SAMD5: variants seen among roughly 807,000 people sequenced by gnomAD.
SAMD5 encodes sterile alpha motif domain containing 5.
In SAMD5, 13 loss-of-function variants were observed where a neutral mutation model predicts 11.3. That is an observed-to-expected ratio of 1.15 (90% CI 0.75 to 1.83). The LOEUF (loss-of-function observed/expected upper bound fraction) is 1.83. Ranked by LOEUF, SAMD5 falls within the 40% of genes most tolerant of loss-of-function variation. SAMD5 has a pLI of 0.00. For synonymous variants in SAMD5, 129 were observed against 111.3 expected (o/e 1.16, Z -1.00); for missense variants, 255 against 239.1 (o/e 1.07, Z -0.44).
chr6:147,631,593 C>A (rs62436288), intron 1 of SAMD5, among the ~76,000 whole-genome samples: 20,619 of 152,066 alleles, frequency 0.14, 1,454 homozygotes, highest in Middle Eastern at 0.15. Context: ...GGTGGGAAGG[C>A]CAAACCGAGG....
chr6:147,728,861 C>A (rs1234391095), intron 1 of SAMD5, among the ~76,000 whole-genome samples: 2 of 151,214 alleles, frequency 1.3e-5, no homozygotes, highest in African/African-American at 4.9e-5. Context: ...ACTCTTTATG[C>A]AGTTCTGTGT....
the SAMD5 span, among the ~76,000 whole-genome samples, chr6:147,921,904 C>T: frequency 6.6e-6 from 1 of 151,976 alleles, no homozygotes; most frequent in Non-Finnish European, 1.5e-5. Flanking sequence ...ATGGGAAAAA[C>T]AATACAAAGT....
intron 1 of SAMD5, among the ~76,000 whole-genome samples, chr6:147,658,847 G>A (rs1258916797): frequency 6.6e-6 from 1 of 152,048 alleles, no homozygotes; most frequent in African/African-American, 2.4e-5. Context: ...AGTGTTCTGG[G>A]GACACATTGT....
At position 147,567,177 on chromosome 6, in the gene SAMD5, T is replaced by C. The variant is rs901706101; in HGVS notation, c.*2721T>C. The C allele has an allele frequency of 7.1e-6, 7 of 985,204 alleles. No homozygotes were observed. The highest frequency in any genetic ancestry group is 7.0e-5 in the African/African-American group (4 of 57,254). 61.0% of individuals were successfully genotyped at this position (985,204 alleles called of 1,614,324 possible). On this transcript the variant is annotated 3_prime_UTR_variant, in exon 2 of 2. Transcript: ENST00000367474. ...TATTCACATAAAAGATTTCTTGGCA[T>C]AGGGAAGGCGTAATGTTAAGGGCTT...
At chr6:147,751,430 G>A in the SAMD5 span, among the ~76,000 whole-genome samples, 2 of 152,036 alleles carry the variant, frequency 1.3e-5, no homozygotes, top group Non-Finnish European at 2.9e-5. Context: ...TCAGCACCTT[G>A]AACAGTTCCT....
the SAMD5 span, among the ~76,000 whole-genome samples, chr6:147,936,731 A>G: frequency 6.6e-6 from 1 of 152,206 alleles, no homozygotes; most frequent in Non-Finnish European, 1.5e-5. Context: ...AGAAAATGCC[A>G]ATGGCCTCCA....
chr6:147,673,305 C>T (rs1384967294), intron 1 of SAMD5, among the ~76,000 whole-genome samples: 1 of 152,182 alleles, frequency 6.6e-6, no homozygotes, highest in African/African-American at 2.4e-5. Flanking sequence ...GCTCCGCCTC[C>T]TGGGTTCACG....
intron 1 of SAMD5, among the ~76,000 whole-genome samples, chr6:147,584,482 C>T (rs1315965524): frequency 2.6e-5 from 4 of 152,202 alleles, no homozygotes. Context: ...CTGCAGCTGG[C>T]TCAGCCCATG....
the SAMD5 span, chr6:147,743,430 A>C: frequency 6.6e-6 from 1 of 152,128 alleles, no homozygotes; most frequent in African/African-American, 2.4e-5. Flanking sequence ...GTGAACCCGG[A>C]AGGCGGAGCT....
the SAMD5 span, among the ~76,000 whole-genome samples, chr6:147,786,546 C>T: frequency 6.6e-6 from 1 of 152,190 alleles, no homozygotes; most frequent in Non-Finnish European, 1.5e-5. Flanking sequence ...GCAAACTTGT[C>T]ATTTCTGAAT....
In SAMD5 at chr6:147,566,348, G is replaced by A. The variant is rs117704019; in HGVS notation, c.*1892G>A. On this transcript the variant is annotated 3_prime_UTR_variant, in exon 2 of 2. Transcript: ENST00000367474. Reference sequence around the variant, plus strand: ...ATTCCTAAGTAGATTCTTTTGAGTGGTAGGGGAGTCTGTATAGATTACAGA... The same window carrying A: ...ATTCCTAAGTAGATTCTTTTGAGTGATAGGGGAGTCTGTATAGATTACAGA... 1 of 982,284 alleles carries A rather than the reference G, an allele frequency of 1.0e-6. No homozygotes were observed. The highest frequency in any genetic ancestry group is 1.2e-6 in the Non-Finnish European group (1 of 826,952). 60.8% of individuals were successfully genotyped at this position (982,284 alleles called of 1,614,324 possible). A position where few individuals can be genotyped will look rare whatever the true frequency, so the allele number is the denominator to read the frequency against.
the SAMD5 span, among the ~76,000 whole-genome samples, chr6:147,938,400 A>G: frequency 6.6e-6 from 1 of 152,236 alleles, no homozygotes. Flanking sequence ...CTACTAATCT[A>G]TCAGACAAGG....
the SAMD5 span, among the ~76,000 whole-genome samples, chr6:147,762,764 C>T: frequency 3.3e-5 from 5 of 152,120 alleles, no homozygotes; most frequent in African/African-American, 1.2e-4. Flanking sequence ...AGTACTTTCA[C>T]TCTACTCCCA....
At chr6:147,939,390 A>G in the SAMD5 span, among the ~76,000 whole-genome samples, 2 of 152,258 alleles carry the variant, frequency 1.3e-5, no homozygotes, top group Non-Finnish European at 1.5e-5. Context: ...AAGGTTGGGT[A>G]AAACTTCCAA....
the SAMD5 span, among the ~76,000 whole-genome samples, chr6:147,781,991 A>G: frequency 6.6e-6 from 1 of 152,090 alleles, no homozygotes; most frequent in African/African-American, 2.4e-5. Flanking sequence ...AGTGGTAGAC[A>G]ATATGTAGTG....
the SAMD5 span, among the ~76,000 whole-genome samples, chr6:147,921,504 C>T: frequency 6.6e-6 from 1 of 152,174 alleles, no homozygotes; most frequent in East Asian, 1.9e-4. Context: ...CTAGTGTCAA[C>T]TCATGGAGTT....
the SAMD5 span, among the ~76,000 whole-genome samples, chr6:147,824,026 C>T: frequency 2.8e-4 from 42 of 152,278 alleles, no homozygotes; most frequent in Non-Finnish European, 2.9e-5. Flanking sequence ...TTACCCAAGG[C>T]CTCTCAGCAA....
chr6:147,845,160 A>G, the SAMD5 span, among the ~76,000 whole-genome samples: 1 of 152,158 alleles, frequency 6.6e-6, no homozygotes, highest in Non-Finnish European at 1.5e-5. Context: ...TGTTTTTCCA[A>G]TAGGCTTTTC....
At chr6:147,709,081 A>G (rs1057019061) in intron 1 of SAMD5, among the ~76,000 whole-genome samples, 1 of 152,224 alleles carries the variant, frequency 6.6e-6, no homozygotes, top group Non-Finnish European at 1.5e-5. Context: ...TATCAGCTTT[A>G]CATGCCAAGT....
Sources: gnomAD v4.1 joint callset for allele counts (sites outside exome capture counted in the v4.1 genomes callset) on GRCh38, gnomAD v4.1.1 for gene constraint, MANE v1.5 for transcripts, NCBI Gene and HGNC (gene_info 2026-07-23, HGNC 2026-07-21) for gene names.